GABRB1: variants seen among roughly 807,000 people sequenced by gnomAD.
GABRB1 encodes gamma-aminobutyric acid receptor subunit beta-1.
GABRB1 carries 17 observed loss-of-function variants against 51.6 expected under a neutral mutation model. The observed-to-expected ratio is 0.33, with a 90% confidence interval of 0.23 to 0.49. The LOEUF (loss-of-function observed/expected upper bound fraction) is 0.49. Among genes scored for constraint, GABRB1 ranks in the 20% least tolerant of loss-of-function variants. GABRB1 has a pLI of 0.99. For missense variants in GABRB1, 410 were observed against 600.6 expected, an observed-to-expected ratio of 0.68 and a Z score of 3.32; for synonymous variants, 247 against 218.9, an observed-to-expected ratio of 1.13 and a Z score of -1.14.
At chr4:47,396,192 T>C (rs1728175511) in intron 5 of GABRB1, among the ~76,000 whole-genome samples, 1 of 152,124 alleles carries the variant, frequency 6.6e-6, no homozygotes, top group Non-Finnish European at 1.5e-5. Context: ...AAGTCATATC[T>C]TACATGGATG....
At chr4:47,025,198 T>C (rs931056512) in intron 1 of GABRB1, among the ~76,000 whole-genome samples, 8 of 151,566 alleles carry the variant, frequency 5.3e-5, no homozygotes, top group Admixed American at 6.6e-5. Context: ...ATTGTGCTTC[T>C]ATAAACATGC....
chr4:47,009,370 C>T (rs1031847425), intron 1 of GABRB1, among the ~76,000 whole-genome samples: 4 of 151,978 alleles, frequency 2.6e-5, no homozygotes, highest in Non-Finnish European at 5.9e-5. Flanking sequence ...AAAAACACTA[C>T]CATTATAATG....
intron 1 of GABRB1, among the ~76,000 whole-genome samples, chr4:47,008,629 A>ATTTTTTTTTTT (rs71193894): frequency 1.7e-5 from 2 of 117,484 alleles, no homozygotes; most frequent in African/African-American, 3.3e-5. Flanking sequence ...CACCCAGCTA[A>ATTTTTTTTTTT]TTTTTTTTTT....
In GABRB1 at chr4:47,425,911, A is replaced by T. The variant is rs764947763; in HGVS notation, c.1318A>T (p.Ile440Phe). The change falls in exon 9 of 9, where the codon ATC becomes TTC. Residue 440 changes from isoleucine (I) to phenylalanine (F), a missense_variant. Transcript: ENST00000295454. ...RRRASQLKVK[I>F]PDLTDVNSID... Reference sequence around the variant, plus strand: ...GCGTGCCTCCCAGCTCAAAGTCAAGATCCCCGACTTGACTGATGTGAATTC... The same window carrying T: ...GCGTGCCTCCCAGCTCAAAGTCAAGTTCCCCGACTTGACTGATGTGAATTC... 1.2e-6 allele frequency: 2 copies of T among 1,614,108 alleles called. No individual in the cohort carries two copies. The highest frequency in any genetic ancestry group is 1.7e-6 in the Non-Finnish European group (2 of 1,179,954).
chr4:47,333,098 AT>A (rs1426753564), intron 5 of GABRB1, among the ~76,000 whole-genome samples: 3 of 146,528 alleles, frequency 2.0e-5, no homozygotes, highest in African/African-American at 4.9e-5. Flanking sequence ...ATATATACAT[AT>A]TTTTATATTC....
chr4:47,361,162 T>G (rs1225739020), intron 5 of GABRB1, among the ~76,000 whole-genome samples: 1 of 151,988 alleles, frequency 6.6e-6, no homozygotes, highest in African/African-American at 2.4e-5. Flanking sequence ...CATCGCATGG[T>G]TCTTTGTGTC....
chr4:47,340,229 A>G (rs948438939), intron 5 of GABRB1, among the ~76,000 whole-genome samples: 1 of 151,962 alleles, frequency 6.6e-6, no homozygotes, highest in Admixed American at 6.6e-5. Context: ...GTGTTGTAAT[A>G]CTCAAGGATC....
chr4:47,123,901 A>C (rs1340282798), intron 3 of GABRB1, among the ~76,000 whole-genome samples: 1 of 55,052 alleles, frequency 1.8e-5, no homozygotes, highest in Non-Finnish European at 4.4e-5. Flanking sequence ...AATATATAAT[A>C]TATTATATAT....
At chr4:47,092,849 G>A (rs986038327) in intron 3 of GABRB1, among the ~76,000 whole-genome samples, 3 of 152,144 alleles carry the variant, frequency 2.0e-5, no homozygotes, top group Non-Finnish European at 2.9e-5. Flanking sequence ...TCCTGACCTC[G>A]TGATTCACCC....
At chr4:47,049,605 C>T (rs949937699) in intron 3 of GABRB1, among the ~76,000 whole-genome samples, 28 of 152,268 alleles carry the variant, frequency 1.8e-4, no homozygotes, top group Non-Finnish European at 3.7e-4. Context: ...ATTATTACCA[C>T]ATAGCTTACA....
chr4:47,419,869 CT>C (rs1729042539), intron 8 of GABRB1, among the ~76,000 whole-genome samples: 1 of 152,164 alleles, frequency 6.6e-6, no homozygotes, highest in Non-Finnish European at 1.5e-5. Context: ...GCCCTTGGGG[CT>C]GCAGAACTAA....
At position 47,260,276 on chromosome 4, in the gene GABRB1, A is replaced by G. The variant is rs544022633; in HGVS notation, c.462-59851A>G. ...GCACACTGATGGGTCTTGACTCTTT[A>G]TCCAATTTGCCAGTCTGTGTCTTTT... On this transcript the variant is annotated intron_variant, in intron 4 of 8. Coordinates refer to ENST00000295454, the MANE Select transcript of GABRB1 (RefSeq NM_000812.4). 6.0e-3 allele frequency among the ~76,000 whole-genome samples: 911 copies of G among 151,846 alleles called. 7 individuals carry two copies. Among genetic ancestry groups the G allele is most frequent in the Non-Finnish European group, 9.1e-3 (615 of 67,832 alleles).
At chr4:47,291,098 TG>T (rs1197496067) in intron 4 of GABRB1, among the ~76,000 whole-genome samples, 1 of 152,002 alleles carries the variant, frequency 6.6e-6, no homozygotes, top group South Asian at 2.1e-4. Flanking sequence ...TAGGAGAAAA[TG>T]GTTTCCTGGG....
At chr4:47,042,882 A>G (rs1253754865) in intron 3 of GABRB1, among the ~76,000 whole-genome samples, 1 of 151,968 alleles carries the variant, frequency 6.6e-6, no homozygotes, top group Non-Finnish European at 1.5e-5. Context: ...CCTCATGTAT[A>G]CATAATTTTA....
chr4:47,195,977 G>C lies in GABRB1; in HGVS notation c.461+34508G>C, dbSNP rs570341303. Among the ~76,000 whole-genome samples, 129 of 152,348 alleles carry C rather than the reference G, an allele frequency of 8.5e-4. 1 individual carries two copies. The South Asian group carries it at 0.025, about 30-fold the overall frequency. On this transcript the variant is annotated intron_variant, in intron 4 of 8. Transcript: ENST00000295454. ...AATAAGAAAAGTCAGAGCAGAACTT[G>C]CTAGACATTCCTGCTTGTGTGGTAG...
At chr4:47,417,495 G>A (rs572308103) in intron 8 of GABRB1, among the ~76,000 whole-genome samples, 1 of 151,720 alleles carries the variant, frequency 6.6e-6, no homozygotes, top group Admixed American at 6.6e-5. Flanking sequence ...AGAGATCAGG[G>A]TTTGGCAGCC....
chr4:47,224,564 T>G (rs552451879), intron 4 of GABRB1, among the ~76,000 whole-genome samples: 2 of 152,214 alleles, frequency 1.3e-5, no homozygotes, highest in South Asian at 2.1e-4. Context: ...GTCAAGAACT[T>G]ATACATCAAA....
At chr4:47,352,455 C>T (rs1726387522) in intron 5 of GABRB1, among the ~76,000 whole-genome samples, 1 of 152,044 alleles carries the variant, frequency 6.6e-6, no homozygotes. Context: ...CGGGCAGAGA[C>T]ACAACCAAAA....
chr4:47,354,988 T>TTG (rs1553877830), intron 5 of GABRB1, among the ~76,000 whole-genome samples: 4 of 130,888 alleles, frequency 3.1e-5, no homozygotes, highest in Non-Finnish European at 6.6e-5. Context: ...TTGTTTTTTT[T>TTG]TTTTTTTTTT....
Sources: allele counts gnomAD v4.1 joint callset (sites outside exome capture counted in the v4.1 genomes callset), GRCh38; gene constraint gnomAD v4.1.1; transcripts MANE v1.5; gene names NCBI Gene and HGNC (gene_info 2026-07-23, HGNC 2026-07-21).